The following ZMYND8 variants were observed in gnomAD, a reference collection of about 807,000 sequenced individuals.
ZMYND8 encodes the protein zinc finger MYND-type containing 8.
ZMYND8 carries 37 observed loss-of-function variants against 140.8 expected under a neutral mutation model. That is an observed-to-expected ratio of 0.26 (90% CI 0.20 to 0.35). The LOEUF (loss-of-function observed/expected upper bound fraction) is 0.35, where lower values mean the gene tolerates loss of function less well. Ranked by LOEUF, ZMYND8 falls within the 10% of genes least tolerant of loss-of-function variation. The pLI is 1.00. For synonymous variants in ZMYND8, 592 were observed against 597.1 expected (o/e 0.99, Z 0.12); for missense variants, 1,068 against 1,570.0 (o/e 0.68, Z 5.40).
Position 47,249,348 on chromosome 20 carries a change from C to G in ZMYND8, c.1713G>C (p.Gln571His), listed in dbSNP as rs755446399. 9 of 1,614,040 alleles carry G rather than the reference C, an allele frequency of 5.6e-6. No individual in the cohort carries two copies. Among genetic ancestry groups the G allele is most frequent in the Admixed American group, 1.7e-5 (1 of 60,004 alleles). ...GATTCAGCTGGAACCTGCTACGAAT[C>G]TGGCGCTTGGGAGAGATGAGAGGAA... ...TPVPLISPKR[Q>H]IRSRFQLNLD... Residue 571 changes from glutamine to histidine, a missense_variant, in exon 13 of 23, where the codon CAG (glutamine) becomes CAC (histidine). Coordinates refer to ENST00000471951, the MANE Select transcript of ZMYND8 (RefSeq NM_001281775.3).
At chr20:47,243,877 GCAA>G (rs1568971336) in intron 14 of ZMYND8, among the ~76,000 whole-genome samples, 1 of 152,140 alleles carries the variant, frequency 6.6e-6, no homozygotes, top group Non-Finnish European at 1.5e-5. Context: ...ATTGTTCTCT[GCAA>G]CAACAGAGAC....
intron 2 of ZMYND8, among the ~76,000 whole-genome samples, chr20:47,339,043 G>T (rs1325635105): frequency 6.6e-6 from 1 of 150,846 alleles, no homozygotes; most frequent in East Asian, 1.9e-4. Context: ...CGTGATCTTG[G>T]CTCACTGCAA....
chr20:47,316,668 G>A (rs1199361407), intron 2 of ZMYND8, among the ~76,000 whole-genome samples: 5 of 150,316 alleles, frequency 3.3e-5, no homozygotes, highest in Non-Finnish European at 7.4e-5. Flanking sequence ...GGTGGTGTGC[G>A]CCTGTAATCC....
In ZMYND8 at chr20:47,246,344, A is replaced by G; in HGVS notation, c.1948T>C (p.Ser650Pro). Residue 650 changes from serine to proline, a missense_variant, in exon 14 of 23, where the codon TCT becomes CCT. Physicochemically the swap from Ser to Pro is moderately conservative, Grantham distance 74. Around this residue, in one of 10 missense-constraint regions of ZMYND8, gnomAD observed 383 missense variants for 431.2 expected, o/e 0.89. Transcript: ENST00000471951. ...GGCTTGGGCTTTTTTTTAACAGCAG[A>G]TGGCTCTTTGTCCATCTGACAACCT... is the stretch of plus-strand genomic sequence containing the variant. ...KEGCQMDKEP[S>P]AVKKKPKPTN... The G allele has an allele frequency of 1.2e-6, 2 of 1,613,832 alleles. No individual in the cohort carries two copies. Among genetic ancestry groups the G allele is most frequent in the Non-Finnish European group, 1.7e-6 (2 of 1,179,976 alleles).
At position 47,289,843 on chromosome 20, in the gene ZMYND8, A is replaced by T. The variant is rs1312653908; in HGVS notation, c.748+344T>A. The stretch of plus-strand genomic sequence containing the variant: ...AAAATGGCATGTATGAGAATCCAAC[A>T]GGCTGATAGGAATGTTCTGGATCTT... On this transcript the variant is annotated intron_variant, in intron 7 of 22. Coordinates refer to ENST00000471951, the MANE Select transcript of ZMYND8 (RefSeq NM_001281775.3). 6.6e-5 allele frequency among the ~76,000 whole-genome samples: 10 copies of T among 152,370 alleles called. No individual in the cohort carries two copies. The East Asian group carries it at 1.9e-3, about 29-fold the overall frequency.
Position 47,227,234 on chromosome 20 carries a change from C to G in ZMYND8, c.2985G>C (p.Gln995His). 1 of 1,614,198 alleles carries G rather than the reference C, an allele frequency of 6.2e-7. No individual in the cohort carries two copies. The part of the protein sequence containing the change: ...IEIEKLQWLH[Q>H]QELSEMKHNL... ...TGTGTTTCATTTCGGAGAGCTCTTG[C>G]TGGTGCAGCCACTGGAGCTTCTCTA... Residue 995 changes from glutamine to histidine, a missense_variant, in exon 18 of 23, where the codon CAG becomes CAC. Transcript: ENST00000471951.
chr20:47,338,971 CTTTT>C (rs141938915), intron 2 of ZMYND8, among the ~76,000 whole-genome samples: 2 of 137,954 alleles, frequency 1.4e-5, no homozygotes. Context: ...ACAATTATTT[CTTTT>C]TTTTTTTTTT....
rs112830480 is a variant in ZMYND8 at position 47,210,446 on chromosome 20, CTTTT to C, written c.*311_*314del. 3.3e-5 allele frequency: 3 copies of C among 92,116 alleles called. No individual in the cohort carries two copies. The highest frequency in any genetic ancestry group is 1.3e-4 in the African/African-American group (3 of 22,824). The allele number at this position is 92,116 out of a possible 1,614,324, so 5.7% of individuals were successfully genotyped here. ...TTTTTTTTAAATCGTTTTTCTTTTT[CTTTT>C]TTTTTTTTTAATAAGTTAAAGTTAA... On this transcript the variant is annotated 3_prime_UTR_variant, in exon 23 of 23. Coordinates refer to ENST00000471951, the MANE Select transcript of ZMYND8 (RefSeq NM_001281775.3).
chr20:47,337,618 A>G (rs2081487692), intron 2 of ZMYND8, among the ~76,000 whole-genome samples: 1 of 152,188 alleles, frequency 6.6e-6, no homozygotes, highest in Non-Finnish European at 1.5e-5. Context: ...ACACACCCAC[A>G]TCATGGAATT....
At chr20:47,221,506 T>A in intron 19 of ZMYND8, 32 bp from the exon 20 acceptor site, 4 of 1,608,534 alleles carry the variant, frequency 2.5e-6, no homozygotes, top group Non-Finnish European at 3.4e-6. Flanking sequence ...AGACGCCACA[T>A]ATACACAGAG....
At chr20:47,235,376 A>C (rs921775932) in intron 16 of ZMYND8, among the ~76,000 whole-genome samples, 1 of 152,182 alleles carries the variant, frequency 6.6e-6, no homozygotes, top group African/African-American at 2.4e-5. Flanking sequence ...TGAGAACTGC[A>C]GATGGTATCT....
intron 17 of ZMYND8, among the ~76,000 whole-genome samples, chr20:47,228,970 G>C (rs1038966948): frequency 1.3e-5 from 2 of 151,880 alleles, no homozygotes; most frequent in Non-Finnish European, 2.9e-5. Context: ...TTTAAAAGCG[G>C]ATGCTTTATA....
chr20:47,270,557 G>A (rs1033116080), intron 11 of ZMYND8, among the ~76,000 whole-genome samples: 2 of 151,296 alleles, frequency 1.3e-5, no homozygotes, highest in African/African-American at 2.4e-5. Context: ...TTAAAAATGT[G>A]AGCCAGTACA....
intron 1 of ZMYND8, chr20:47,352,758 G>C (rs530905729): frequency 1.2e-4 from 18 of 154,626 alleles, no homozygotes; most frequent in African/African-American, 3.8e-4. Flanking sequence ...AGGTAATCGG[G>C]ATGGGGGGGA....
At chr20:47,324,105 G>A (rs2080194030) in intron 2 of ZMYND8, among the ~76,000 whole-genome samples, 1 of 151,774 alleles carries the variant, frequency 6.6e-6, no homozygotes, top group Non-Finnish European at 1.5e-5. Flanking sequence ...GGGGGGCTAA[G>A]GCAGGAGAAT....
chr20:47,298,216 C>T lies in ZMYND8; in HGVS notation c.453+513G>A. ...AAAATGATCCATGCCTGTTTTTGTGCACTGTCGAATTCCCAGCACCTAATA... is the reference window on the plus strand; with the variant it reads ...AAAATGATCCATGCCTGTTTTTGTGTACTGTCGAATTCCCAGCACCTAATA... On this transcript the variant is annotated intron_variant, in intron 4 of 22. Coordinates refer to ENST00000471951, the MANE Select transcript of ZMYND8 (RefSeq NM_001281775.3). This position sits in a 1 kb window ranked among gnomAD's most constrained non-coding sequence, Gnocchi z 5.0. The T allele has an allele frequency of 1.1e-6, 1 of 950,450 alleles. No homozygotes were observed. Among genetic ancestry groups the T allele is most frequent in the Non-Finnish European group, 1.3e-6 (1 of 798,764 alleles). The allele number at this position is 950,450 out of a possible 1,614,324, so 58.9% of individuals were successfully genotyped here.
At chr20:47,336,413 A>T (rs1428672932) in intron 2 of ZMYND8, among the ~76,000 whole-genome samples, 2 of 152,186 alleles carry the variant, frequency 1.3e-5, no homozygotes, top group East Asian at 3.8e-4. Context: ...AGACATTTTT[A>T]AAAATGGTTT....
At chr20:47,276,929 A>C (rs2076290952) in intron 10 of ZMYND8, 134 bp from the exon 11 acceptor site, 3 of 835,734 alleles carry the variant, frequency 3.6e-6, no homozygotes, top group Non-Finnish European at 5.0e-6. Flanking sequence ...AAAAAAAAAA[A>C]CTTGGTTTGA....
chr20:47,305,063 C>T (rs532457592), intron 3 of ZMYND8, among the ~76,000 whole-genome samples: 191 of 151,644 alleles, frequency 1.3e-3, no homozygotes, highest in African/African-American at 4.4e-3. Context: ...GGCAGCAAGA[C>T]CCTATCTCTA....
Sources: allele counts gnomAD v4.1 joint callset (sites outside exome capture counted in the v4.1 genomes callset), GRCh38; gene constraint gnomAD v4.1.1; regional missense constraint gnomAD v4.1.1; non-coding constraint Gnocchi (gnomAD v3.1); transcripts MANE v1.5; gene names NCBI Gene and HGNC (gene_info 2026-07-23, HGNC 2026-07-21).